The following NR1H3 variants were observed in gnomAD, a reference collection of about 807,000 sequenced individuals.
The protein encoded by NR1H3 is nuclear receptor subfamily 1 group H member 3.
Under a neutral mutation model 48.1 loss-of-function variants are expected in NR1H3, and 19 were observed. The ratio of observed to expected loss-of-function variants is 0.40; its 90% CI spans 0.28 to 0.58. The LOEUF is 0.58. Among genes scored for constraint, NR1H3 ranks in the 20% least tolerant of loss-of-function variants. NR1H3 has a pLI of 0.50. For missense variants in NR1H3, 486 were observed against 595.9 expected, an observed-to-expected ratio of 0.82 and a Z score of 1.92; for synonymous variants, 232 against 227.3, an observed-to-expected ratio of 1.02 and a Z score of -0.19.
upstream of NR1H3, among the ~76,000 whole-genome samples, chr11:47,255,302 T>C (rs1217080487): frequency 1.3e-5 from 2 of 152,234 alleles, no homozygotes; most frequent in Non-Finnish European, 2.9e-5. Context: ...GTTTCAGTGT[T>C]CTCTGTCAAA....
rs770574499 is a variant in NR1H3 at position 47,261,624 on chromosome 11, C to T, written c.786C>T (p.Ile262=). The change falls in exon 6 of 10, where the codon ATC becomes ATT. Residue 262 remains isoleucine (I), a synonymous_variant. Transcript: ENST00000441012. The stretch of plus-strand genomic sequence containing the variant: ...TTGCCCACTTCACTGAGCTGGCCAT[C>T]GTCTCTGTGCAGGAGATAGTTGACT... The part of the protein sequence containing the change: ...QRFAHFTELA[I]VSVQEIVDFA... 3.4e-5 allele frequency: 55 copies of T among 1,614,126 alleles called. No individual in the cohort carries two copies. Among genetic ancestry groups the T allele is most frequent in the Non-Finnish European group, 4.3e-5 (51 of 1,180,054 alleles).
At chr11:47,256,036 T>C (rs1027574070), upstream of NR1H3, among the ~76,000 whole-genome samples, 22 of 151,894 alleles carry the variant, frequency 1.4e-4, no homozygotes, top group Non-Finnish European at 2.5e-4. Flanking sequence ...ATTTTATTTA[T>C]CTTTCTTTCT....
chr11:47,264,473 C>T (rs952329322), intron 7 of NR1H3, among the ~76,000 whole-genome samples: 1 of 152,174 alleles, frequency 6.6e-6, no homozygotes, highest in Non-Finnish European at 1.5e-5. Context: ...TGTATTGACA[C>T]CTAATGGGGT....
chr11:47,263,002 C>T (rs926093009), intron 7 of NR1H3, among the ~76,000 whole-genome samples: 8 of 152,210 alleles, frequency 5.3e-5, no homozygotes, highest in African/African-American at 1.9e-4. Flanking sequence ...AACTGTATTC[C>T]AAGGAACCTG....
upstream of NR1H3, among the ~76,000 whole-genome samples, chr11:47,257,406 C>T (rs1283025692): frequency 1.3e-5 from 2 of 152,218 alleles, no homozygotes; most frequent in Non-Finnish European, 2.9e-5. Flanking sequence ...CTCCTGGCCT[C>T]CTCTCTTATC....
At chr11:47,261,186 C>T (rs561917917) in intron 4 of NR1H3, 55 bp from the exon 5 acceptor site, 9 of 1,391,720 alleles carry the variant, frequency 6.5e-6, no homozygotes, top group South Asian at 6.3e-5. Context: ...CCCCCACCCC[C>T]TTGCCCCATC....
chr11:47,263,462 G>A (rs905149261), intron 7 of NR1H3, among the ~76,000 whole-genome samples: 1 of 151,442 alleles, frequency 6.6e-6, no homozygotes, highest in Non-Finnish European at 1.5e-5. Flanking sequence ...AGTGGGTTTC[G>A]CCATGTTGCC....
intron 1 of NR1H3, among the ~76,000 whole-genome samples, chr11:47,252,234 TTTTTG>T (rs1954722625): frequency 2.0e-5 from 3 of 151,734 alleles, no homozygotes; most frequent in Admixed American, 6.6e-5. Flanking sequence ...GAAGAGGCAG[TTTTTG>T]TTTTGTTTTG....
rs1955761844 is a variant in NR1H3 at position 47,260,798 on chromosome 11, T to A, written c.499+123T>A. 21 of 1,302,560 alleles carry A rather than the reference T, an allele frequency of 1.6e-5. 2 individuals are homozygous for A. In the South Asian group the frequency reaches 3.2e-4, roughly 20 times the overall value. 80.7% of individuals were successfully genotyped at this position (1,302,560 alleles called of 1,614,324 possible). ...TCCCTAAGTATGGATCCCAGTATCTTTCTTGACCGGGCGCGGTGGCTCATG... is the reference window on the plus strand; with the variant it reads ...TCCCTAAGTATGGATCCCAGTATCTATCTTGACCGGGCGCGGTGGCTCATG... On this transcript the variant is annotated intron_variant, in intron 4 of 9. Coordinates refer to ENST00000441012, the MANE Select transcript of NR1H3 (RefSeq NM_005693.4).
chr11:47,254,257 A>G (rs538166638), upstream of NR1H3, among the ~76,000 whole-genome samples: 4 of 152,298 alleles, frequency 2.6e-5, no homozygotes, highest in African/African-American at 9.6e-5. Context: ...AGTGGATGAA[A>G]GAGGCTTCTC....
At chr11:47,262,279 C>T (rs904075861) in intron 7 of NR1H3, among the ~76,000 whole-genome samples, 2 of 151,668 alleles carry the variant, frequency 1.3e-5, no homozygotes, top group Admixed American at 6.6e-5. Context: ...CTTGGGAGAT[C>T]GAGGCAGGAG....
intron 1 of NR1H3, chr11:47,249,101 G>A: frequency 8.5e-7 from 1 of 1,182,884 alleles, no homozygotes. Context: ...CCTTACCAAG[G>A]TGGCACTTGC....
chr11:47,262,602 C>T (rs919852629), intron 7 of NR1H3, among the ~76,000 whole-genome samples: 1 of 151,958 alleles, frequency 6.6e-6, no homozygotes, highest in African/African-American at 2.4e-5. Context: ...ACAACCTCCG[C>T]CTCCCGGGTT....
At chr11:47,268,220 C>A (rs752350246) in intron 8 of NR1H3, 41 bp from the exon 9 acceptor site, 11 of 1,588,522 alleles carry the variant, frequency 6.9e-6, no homozygotes, top group African/African-American at 1.3e-5. Context: ...GGAACTGGAC[C>A]CTGGCCAGAC....
At chr11:47,265,067 G>A (rs1359759943) in intron 7 of NR1H3, among the ~76,000 whole-genome samples, 1 of 152,178 alleles carries the variant, frequency 6.6e-6, no homozygotes, top group Non-Finnish European at 1.5e-5. Context: ...GCCGAGGCAG[G>A]CGGATCACCT....
chr11:47,265,610 A>G (rs1414407535), intron 7 of NR1H3, among the ~76,000 whole-genome samples: 1 of 152,210 alleles, frequency 6.6e-6, no homozygotes, highest in Non-Finnish European at 1.5e-5. Flanking sequence ...GCGGTGGCTC[A>G]TGCCTGTAAT....
chr11:47,268,616 T>C lies in NR1H3; in HGVS notation c.1264T>C (p.Ser422Pro). Residue 422 changes from serine (S) to proline (P), a missense_variant, in exon 10 of 10, where the codon TCA becomes CCA. Coordinates refer to ENST00000441012, the MANE Select transcript of NR1H3 (RefSeq NM_005693.4). ...VSLRTLSSVH[S>P]EQVFALRLQD... ...CCTCCGGACCCTGAGCAGCGTCCAC[T>C]CAGAGCAAGTGTTTGCACTGCGTCT... 6.2e-7 allele frequency: 1 copy of C among 1,614,186 alleles called. No homozygotes were observed. The highest frequency in any genetic ancestry group is 8.5e-7 in the Non-Finnish European group (1 of 1,180,028).
intron 7 of NR1H3, among the ~76,000 whole-genome samples, chr11:47,267,373 GCTAAGTGCC>G (rs1956682763): frequency 6.6e-6 from 1 of 152,172 alleles, no homozygotes; most frequent in South Asian, 2.1e-4. Flanking sequence ...CAGACACAGC[GCTAAGTGCC>G]CTGCATACTT....
chr11:47,249,147 C>T, intron 1 of NR1H3: 1 of 772,202 alleles, frequency 1.3e-6, no homozygotes. Context: ...CCAGCGTCCC[C>T]TCCAGGCTTG....
Sources: gnomAD v4.1 joint callset for allele counts (sites outside exome capture counted in the v4.1 genomes callset) on GRCh38, gnomAD v4.1.1 for gene constraint, MANE v1.5 for transcripts, NCBI Gene and HGNC (gene_info 2026-07-23, HGNC 2026-07-21) for gene names.